The following MEIS1 variants were observed in gnomAD, a reference collection of about 807,000 sequenced individuals.
The protein encoded by MEIS1 is Meis homeobox 1.
A neutral mutation model predicts 50.8 loss-of-function variants in MEIS1; 5 were observed. The ratio of observed to expected loss-of-function variants is 0.10; its 90% CI spans 0.05 to 0.21. The LOEUF is 0.21. Among genes scored for constraint, MEIS1 ranks in the 10% least tolerant of loss-of-function variants. MEIS1 has a pLI of 1.00. For missense variants in MEIS1, 318 were observed against 517.3 expected, an observed-to-expected ratio of 0.61 and a Z score of 3.74; for synonymous variants, 176 against 179.3, an observed-to-expected ratio of 0.98 and a Z score of 0.15.
At chr2:66,545,141 A>G (rs761902071) in intron 8 of MEIS1, among the ~76,000 whole-genome samples, 22 of 152,210 alleles carry the variant, frequency 1.4e-4, no homozygotes, top group Non-Finnish European at 2.5e-4. Context: ...TTCTGGTCAT[A>G]ATATTAAGAC....
chr2:66,444,742 C>A (rs936259945), intron 6 of MEIS1, among the ~76,000 whole-genome samples: 3 of 152,210 alleles, frequency 2.0e-5, no homozygotes, highest in African/African-American at 7.2e-5. Flanking sequence ...TGCTGAGGAA[C>A]CCTCGAGTAG....
chr2:66,483,959 A>G lies in MEIS1; in HGVS notation c.742+19739A>G, dbSNP rs571335875. On this transcript the variant is annotated intron_variant, in intron 7 of 12. Transcript: ENST00000272369. ...ATAACCTTTGGTTTTTGATGAAGCTATTGGGTAGTCTGGCCTTTGAATTTC... is the reference window on the plus strand; with the variant it reads ...ATAACCTTTGGTTTTTGATGAAGCTGTTGGGTAGTCTGGCCTTTGAATTTC... 3.9e-5 allele frequency among the ~76,000 whole-genome samples: 6 copies of G among 152,264 alleles called. No individual in the cohort carries two copies. In the South Asian group the frequency reaches 1.0e-3, roughly 26 times the overall value.
At position 66,439,914 on chromosome 2, in the gene MEIS1, C is replaced by A; in HGVS notation, c.311C>A (p.Pro104Gln). The change falls in exon 3 of 13, where the codon CCG (proline) becomes CAG (glutamine). Residue 104 changes from proline (P) to glutamine (Q), a missense_variant. Physicochemically the swap from Pro to Gln is moderately conservative, Grantham distance 76 (BLOSUM62 -1). Transcript: ENST00000272369. ...TTAGCTACTTGTACCCCCCGCGAGC[C>A]GGGGGTGGCGGGCGGGGACGTCTGC... The part of the protein sequence containing the change: ...CELATCTPRE[P>Q]GVAGGDVCSS... 6.2e-7 allele frequency: 1 copy of A among 1,612,022 alleles called. No individual in the cohort carries two copies. Among genetic ancestry groups the A allele is most frequent in the Non-Finnish European group, 8.5e-7 (1 of 1,179,264 alleles).
chr2:66,564,293 A>G (rs1675285798), intron 9 of MEIS1, among the ~76,000 whole-genome samples: 1 of 152,196 alleles, frequency 6.6e-6, no homozygotes, highest in African/African-American at 2.4e-5. Context: ...TCTTAATAAC[A>G]ACAAACAGTT....
intron 8 of MEIS1, among the ~76,000 whole-genome samples, chr2:66,547,477 T>G (rs1674818591): frequency 1.3e-5 from 2 of 152,152 alleles, no homozygotes; most frequent in Non-Finnish European, 2.9e-5. Context: ...ATTTGATATT[T>G]GCATCTGGCA....
At position 66,445,841 on chromosome 2, in the gene MEIS1, CTATT is replaced by C. The variant is rs201617120; in HGVS notation, c.630+2807_630+2810del. The stretch of plus-strand genomic sequence containing the variant: ...TTCCTTTTTCTTTCTTCTCTCTTTC[CTATT>C]TATTTATTTATTTTAAAAATAGGAT... On this transcript the variant is annotated intron_variant, in intron 6 of 12. Coordinates refer to ENST00000272369, the MANE Select transcript of MEIS1 (RefSeq NM_002398.3). 7.7e-3 allele frequency among the ~76,000 whole-genome samples: 1,179 copies of C among 152,170 alleles called. 26 individuals carry two copies. Among genetic ancestry groups the C allele is most frequent in the African/African-American group, 0.027 (1,104 of 41,508 alleles).
At chr2:66,482,631 C>G (rs1168707902) in intron 7 of MEIS1, among the ~76,000 whole-genome samples, 1 of 152,228 alleles carries the variant, frequency 6.6e-6, no homozygotes, top group East Asian at 1.9e-4. Context: ...TTCATTTATT[C>G]ATTCACGGAG....
At chr2:66,568,247 C>A in intron 10 of MEIS1, 1 of 165,890 alleles carries the variant, frequency 6.0e-6, no homozygotes, top group East Asian at 1.7e-4. Context: ...TTATAATATG[C>A]CAGTAAGATA....
intron 7 of MEIS1, among the ~76,000 whole-genome samples, chr2:66,476,963 T>G (rs1218138227): frequency 6.6e-6 from 1 of 152,004 alleles, no homozygotes; most frequent in Non-Finnish European, 1.5e-5. Context: ...TTGGGGACTT[T>G]GTGTGTGCTT....
chr2:66,469,597 T>G (rs972267494), intron 7 of MEIS1, among the ~76,000 whole-genome samples: 1 of 152,130 alleles, frequency 6.6e-6, no homozygotes, highest in Non-Finnish European at 1.5e-5. Context: ...CGATGAATAA[T>G]GGGATAGGTG....
chr2:66,549,769 G>A (rs1391498418), intron 9 of MEIS1, among the ~76,000 whole-genome samples: 1 of 152,056 alleles, frequency 6.6e-6, no homozygotes, highest in African/African-American at 2.4e-5. Context: ...TCTATCCTGT[G>A]AGCCATCTCT....
intron 2 of MEIS1, 102 bp from the exon 3 acceptor site, chr2:66,439,741 G>A (rs1671906545): frequency 1.3e-6 from 2 of 1,596,828 alleles, no homozygotes; most frequent in Non-Finnish European, 1.7e-6. Context: ...TCGGAGAGGG[G>A]GTCTGTTCCT....
chr2:66,448,044 T>C (rs1267550861), intron 6 of MEIS1, among the ~76,000 whole-genome samples: 2 of 152,142 alleles, frequency 1.3e-5, no homozygotes, highest in African/African-American at 4.8e-5. Flanking sequence ...CATTCTGAAA[T>C]ATATAGAGTA....
Position 66,453,112 on chromosome 2 carries a change from G to A in MEIS1, c.630+10064G>A, listed in dbSNP as rs1021702595. Among the ~76,000 whole-genome samples the A allele has an allele frequency of 4.0e-5, 6 of 151,874 alleles. No individual in the cohort carries two copies. In the East Asian group the frequency reaches 7.7e-4, roughly 20 times the overall value. On this transcript the variant is annotated intron_variant, in intron 6 of 12. Transcript: ENST00000272369. The stretch of plus-strand genomic sequence containing the variant: ...GCATTGTTCTTCACTCTACTGTTGC[G>A]ACATTCTAAAGGTTTGCTTGCCATC...
intron 8 of MEIS1, among the ~76,000 whole-genome samples, chr2:66,543,967 A>T (rs1197976101): frequency 6.6e-6 from 1 of 152,196 alleles, no homozygotes; most frequent in Non-Finnish European, 1.5e-5. Flanking sequence ...TCTTGCCTTC[A>T]CAAGAGCCTA....
At chr2:66,501,166 T>C (rs1673545408) in intron 7 of MEIS1, among the ~76,000 whole-genome samples, 1 of 152,160 alleles carries the variant, frequency 6.6e-6, no homozygotes, top group South Asian at 2.1e-4. Context: ...TTTTAAAAAA[T>C]AGGCAAGGTA....
At chr2:66,519,891 T>C (rs1457901207) in intron 8 of MEIS1, among the ~76,000 whole-genome samples, 1 of 152,180 alleles carries the variant, frequency 6.6e-6, no homozygotes, top group Non-Finnish European at 1.5e-5. Context: ...TATATATTAA[T>C]TTAACCTTGT....
intron 6 of MEIS1, among the ~76,000 whole-genome samples, chr2:66,452,484 C>CTA (rs1672298276): frequency 6.6e-6 from 1 of 151,808 alleles, no homozygotes; most frequent in Non-Finnish European, 1.5e-5. Flanking sequence ...AATATTATCT[C>CTA]TTATAGAGTC....
At chr2:66,556,195 C>A (rs926155710) in intron 9 of MEIS1, among the ~76,000 whole-genome samples, 2 of 152,164 alleles carry the variant, frequency 1.3e-5, no homozygotes, top group East Asian at 3.8e-4. Context: ...AGCCTGACCC[C>A]TTAATATGGA....
Sources: allele counts gnomAD v4.1 joint callset (sites outside exome capture counted in the v4.1 genomes callset), GRCh38; gene constraint gnomAD v4.1.1; transcripts MANE v1.5; gene names NCBI Gene and HGNC (gene_info 2026-07-23, HGNC 2026-07-21).